Variants in PIK3CA observed in about 807,000 individuals in gnomAD.
The protein encoded by PIK3CA is phosphatidylinositol-4,5-bisphosphate 3-kinase catalytic subunit alpha, also known as phosphatidylinositol 4,5-bisphosphate 3-kinase catalytic subunit alpha isoform.
A neutral mutation model predicts 138.2 loss-of-function variants in PIK3CA; 27 were observed. That is an observed-to-expected ratio of 0.20 (90% confidence interval 0.14 to 0.27). The LOEUF (loss-of-function observed/expected upper bound fraction) is 0.27, where lower values mean the gene tolerates loss of function less well. Ranked by LOEUF, PIK3CA falls within the 10% of genes least tolerant of loss-of-function variation. The pLI is 1.00. For missense variants in PIK3CA, 544 were observed against 1,277.4 expected (o/e 0.43, Z 8.75); for synonymous variants, 358 against 413.2 (o/e 0.87, Z 1.62).
Position 179,221,008 on chromosome 3 carries a change from G to A in PIK3CA, c.2038G>A (p.Val680Ile), listed in dbSNP as rs759150318. The A allele has an allele frequency of 6.2e-7, 1 of 1,612,428 alleles. No homozygotes were observed. Among genetic ancestry groups the A allele is most frequent in the Non-Finnish European group, 8.5e-7 (1 of 1,179,082 alleles). The change falls in exon 14 of 21, where the codon GTT becomes ATT. Residue 680 changes from valine (V) to isoleucine (I), a missense_variant. By Grantham distance (29) the Val-to-Ile change is conservative. Around this residue, in one of 14 missense-constraint regions of PIK3CA, gnomAD observed 22 missense variants for 107.9 expected, o/e 0.20. Transcript: ENST00000263967. ...TAGATCTGAGATGCACAATAAAACA[G>A]TTAGCCAGAGGTTTGGCCTGCTTTT... ...HLKSEMHNKT[V>I]SQRFGLLLES... is the part of the protein sequence containing the mutation.
chr3:179,150,061 G>T (rs1307867824), intron 1 of PIK3CA, among the ~76,000 whole-genome samples: 1 of 150,840 alleles, frequency 6.6e-6, no homozygotes, highest in African/African-American at 2.5e-5. Flanking sequence ...CCGATTGACA[G>T]CATAGATCTC....
At chr3:179,218,380 G>A in intron 10 of PIK3CA, 46 bp downstream of exon 10, 2 of 1,515,556 alleles carry the variant, frequency 1.3e-6, no homozygotes, top group African/African-American at 1.4e-5. Context: ...CTTTATTACA[G>A]AAAAAATAAC....
At chr3:179,187,266 G>A (rs573277144) in intron 1 of PIK3CA, among the ~76,000 whole-genome samples, 32 of 152,064 alleles carry the variant, frequency 2.1e-4, no homozygotes, top group South Asian at 4.1e-4. Flanking sequence ...GGCCGGGTGC[G>A]GTGGCTCACA....
chr3:179,226,487 A>G (rs1725085725), intron 17 of PIK3CA, among the ~76,000 whole-genome samples: 1 of 152,130 alleles, frequency 6.6e-6, no homozygotes, highest in African/African-American at 2.4e-5. Context: ...AACTTTCCAC[A>G]ATATCAGTAT....
chr3:179,234,366 A>C lies in PIK3CA; in HGVS notation c.*2A>C. ...ATTAAACAGCATGCATTGAACTGAAAAGATAACTGAGAAAATGAAAGCTCA... is the reference window on the plus strand; with the variant it reads ...ATTAAACAGCATGCATTGAACTGAACAGATAACTGAGAAAATGAAAGCTCA... On this transcript the variant is annotated 3_prime_UTR_variant, in exon 21 of 21. Transcript: ENST00000263967. This position sits in a 1 kb window ranked among gnomAD's most constrained non-coding sequence, Gnocchi z 5.1. 2 of 1,598,074 alleles carry C rather than the reference A, an allele frequency of 1.3e-6. No individual in the cohort carries two copies. The highest frequency in any genetic ancestry group is 1.7e-6 in the Non-Finnish European group (2 of 1,169,534).
intron 17 of PIK3CA, among the ~76,000 whole-genome samples, 178 bp from the exon 18 acceptor site, chr3:179,229,094 G>C (rs1250667630): frequency 1.3e-5 from 2 of 152,038 alleles, no homozygotes; most frequent in East Asian, 1.9e-4. Flanking sequence ...AGGTAATTTT[G>C]AGGATTATTC....
chr3:179,220,571 G>A lies in PIK3CA; in HGVS notation c.2016-415G>A, dbSNP rs1453631450. 1.3e-5 allele frequency among the ~76,000 whole-genome samples: 2 copies of A among 152,112 alleles called. No homozygotes were observed. Among genetic ancestry groups the A allele is most frequent in the Non-Finnish European group, 1.5e-5 (1 of 68,028 alleles). On this transcript the variant is annotated intron_variant, in intron 13 of 20. Transcript: ENST00000263967. The surrounding 1 kb of genome is among the most constrained non-coding windows in gnomAD (Gnocchi z 4.1). ...ATTTATATCTAATATGATATTTTAA[G>A]TGTTAAAATTTAATAATGGAACCCA...
chr3:179,210,647 A>G lies in PIK3CA; in HGVS notation c.1539+82A>G, dbSNP rs3729684. On this transcript the variant is annotated intron_variant, in intron 9 of 20. Transcript: ENST00000263967. ...ATACTTTCTCTATGGAAAAGGATCC[A>G]TATATTTTACTGGCATAGATACTAT... 9,774 of 1,387,546 alleles carry G rather than the reference A, an allele frequency of 7.0e-3. 45 individuals carry two copies. The highest frequency in any genetic ancestry group is 8.5e-3 in the Non-Finnish European group (8,516 of 999,916). The allele number at this position is 1,387,546 out of a possible 1,614,324, so 86.0% of individuals were successfully genotyped here.
intron 4 of PIK3CA, 32 bp from the exon 5 acceptor site, chr3:179,203,512 A>G: frequency 1.3e-6 from 2 of 1,574,178 alleles, no homozygotes; most frequent in Non-Finnish European, 1.7e-6. Flanking sequence ...AAAACCTTAC[A>G]GGAAATGGCT....
At chr3:179,186,918 T>A (rs1237537899) in intron 1 of PIK3CA, among the ~76,000 whole-genome samples, 5 of 152,242 alleles carry the variant, frequency 3.3e-5, no homozygotes, top group African/African-American at 1.2e-4. Flanking sequence ...CTATTTTCAC[T>A]GTCTTCAGTA....
intron 1 of PIK3CA, among the ~76,000 whole-genome samples, chr3:179,154,343 A>C (rs1000358773): frequency 1.3e-5 from 2 of 152,030 alleles, no homozygotes; most frequent in Admixed American, 6.6e-5. Flanking sequence ...GCGGCACTAG[A>C]TTCTCATAGA....
chr3:179,182,593 AGC>A (rs1207392125), intron 1 of PIK3CA, among the ~76,000 whole-genome samples: 2 of 151,976 alleles, frequency 1.3e-5, no homozygotes, highest in African/African-American at 2.4e-5. Flanking sequence ...GAATTGCTTG[AGC>A]CTGGGGTTGG....
At chr3:179,223,004 A>G (rs139242770) in intron 14 of PIK3CA, among the ~76,000 whole-genome samples, 7 of 152,308 alleles carry the variant, frequency 4.6e-5, no homozygotes, top group African/African-American at 1.7e-4. Flanking sequence ...TCAGATCATT[A>G]TTGGCTTAAA....
chr3:179,196,097 A>G (rs1017138667), intron 1 of PIK3CA, among the ~76,000 whole-genome samples: 47 of 152,236 alleles, frequency 3.1e-4, no homozygotes, highest in Non-Finnish European at 1.2e-4. Flanking sequence ...TAGAATAAGG[A>G]ATAAAACCAG....
chr3:179,206,244 A>AG (rs1270307914), intron 6 of PIK3CA, among the ~76,000 whole-genome samples: 2 of 151,920 alleles, frequency 1.3e-5, no homozygotes, highest in African/African-American at 2.4e-5. Flanking sequence ...TTTTCAGTAG[A>AG]GGGGGGTTTC....
intron 1 of PIK3CA, among the ~76,000 whole-genome samples, chr3:179,150,858 A>T (rs561204641): frequency 2.6e-5 from 4 of 152,344 alleles, no homozygotes; most frequent in African/African-American, 9.6e-5. Context: ...CCTTTACTGA[A>T]TAAAGAGTTT....
chr3:179,192,286 A>G (rs913350730), intron 1 of PIK3CA, among the ~76,000 whole-genome samples: 12 of 152,250 alleles, frequency 7.9e-5, no homozygotes, highest in African/African-American at 2.9e-4. Context: ...GCTTTCAAGT[A>G]TGTGATGAGA....
At chr3:179,205,535 T>C (rs1248399676) in intron 6 of PIK3CA, among the ~76,000 whole-genome samples, 2 of 152,228 alleles carry the variant, frequency 1.3e-5, no homozygotes. Context: ...CAAACTACCC[T>C]GAGGCAGTTT....
At chr3:179,202,463 TA>T (rs1351103247) in intron 4 of PIK3CA, among the ~76,000 whole-genome samples, 5 of 152,216 alleles carry the variant, frequency 3.3e-5, no homozygotes, top group Non-Finnish European at 7.3e-5. Context: ...TAAGATATAC[TA>T]TTGATACTTT....
Sources: allele counts gnomAD v4.1 joint callset (sites outside exome capture counted in the v4.1 genomes callset), GRCh38; gene constraint gnomAD v4.1.1; regional missense constraint gnomAD v4.1.1; non-coding constraint Gnocchi (gnomAD v3.1); transcripts MANE v1.5; gene names NCBI Gene and HGNC (gene_info 2026-07-23, HGNC 2026-07-21).